MAGEC3: variants seen among roughly 807,000 people sequenced by gnomAD.
MAGEC3 encodes the protein MAGE family member C3.
MAGEC3 carries 34 observed loss-of-function variants against 35.3 expected under a neutral mutation model. The observed-to-expected ratio is 0.96, with a 90% CI of 0.73 to 1.28. The LOEUF is 1.28. Ranked by LOEUF, MAGEC3 falls within the 50% of genes most tolerant of loss-of-function variation. The probability of loss-of-function intolerance (pLI) is 0.00; values close to 1 mark genes in which losing one functional copy is unlikely to be tolerated. For missense variants in MAGEC3, 561 were observed against 483.6 expected (o/e 1.16, Z -1.50); for synonymous variants, 202 against 185.6 (o/e 1.09, Z -0.72).
chrX:141,857,295 A>G (rs1187445155), intron 1 of MAGEC3, among the ~76,000 whole-genome samples: 2 of 111,103 alleles, frequency 1.8e-5, no homozygotes, highest in African/African-American at 6.5e-5. Context: ...ATTTTTGCCT[A>G]CAGGTGCAAA....
At chrX:141,881,206 A>G (rs1340547062) in intron 3 of MAGEC3, among the ~76,000 whole-genome samples, 197 bp from the exon 4 acceptor site, 1 of 106,112 alleles carries the variant, frequency 9.4e-6, no homozygotes, top group East Asian at 3.0e-4. Flanking sequence ...CTCATCCTCT[A>G]CTCTGATTCT....
At chrX:141,843,242 G>T (rs2017696643) in intron 1 of MAGEC3, among the ~76,000 whole-genome samples, 1 of 111,479 alleles carries the variant, frequency 9.0e-6, no homozygotes, top group South Asian at 3.7e-4. Flanking sequence ...TTGGAGGGTT[G>T]ATCTGAGTTT....
At chrX:141,851,186 C>T (rs1246303659) in intron 1 of MAGEC3, among the ~76,000 whole-genome samples, 1 of 110,236 alleles carries the variant, frequency 9.1e-6, no homozygotes, top group African/African-American at 3.3e-5. Context: ...AACCATTGTC[C>T]CTGTGACAGT....
Position 141,897,622 on chromosome X carries a change from C to T in MAGEC3, c.1729-7C>T. On this transcript the variant is annotated splice_polypyrimidine_tract_variant and splice_region_variant and intron_variant, in intron 7 of 7. Coordinates refer to ENST00000298296, the MANE Select transcript of MAGEC3 (RefSeq NM_138702.1). ...TCCACGTTATGAATTTTTGTGGGGT[C>T]CAAGAGCCCATTCAGAGGCCAGCAA... is the stretch of plus-strand genomic sequence containing the variant. The T allele has an allele frequency of 1.7e-6, 2 of 1,205,500 alleles. No homozygotes were observed. The highest frequency in any genetic ancestry group is 2.2e-6 in the Non-Finnish European group (2 of 892,773).
At chrX:141,848,603 A>G (rs1269431302) in intron 1 of MAGEC3, among the ~76,000 whole-genome samples, 2 of 111,416 alleles carry the variant, frequency 1.8e-5, no homozygotes, top group Non-Finnish European at 3.8e-5. Flanking sequence ...GAGAACTACA[A>G]AGCATAGAGA....
rs776691652 is a variant in MAGEC3 at position 141,879,177 on chromosome X, C to A, written c.261C>A (p.Leu87=). 18 of 1,175,867 alleles carry A rather than the reference C, an allele frequency of 1.5e-5. No individual in the cohort carries two copies. In the East Asian group the frequency reaches 5.1e-4, roughly 33 times the overall value. ...CCTGTCCCTGTGCCTGCTGCCAGCTCTGGAGGACCCTATCAGGGTCCCCAG... is the reference window on the plus strand; with the variant it reads ...CCTGTCCCTGTGCCTGCTGCCAGCTATGGAGGACCCTATCAGGGTCCCCAG... ...SLVLCPTYFK[L]WRTLSGSPGL... is the part of the protein sequence containing the mutation. The change falls in exon 3 of 8, where the codon CTC becomes CTA. Residue 87 remains leucine (L), a splice_region_variant and synonymous_variant. Coordinates refer to ENST00000298296, the MANE Select transcript of MAGEC3 (RefSeq NM_138702.1).
intron 2 of MAGEC3, among the ~76,000 whole-genome samples, chrX:141,875,665 A>C (rs2017915540): frequency 8.9e-6 from 1 of 112,033 alleles, no homozygotes; most frequent in Non-Finnish European, 1.9e-5. Flanking sequence ...CTTATTTCCA[A>C]TACCAGGAGG....
chrX:141,861,268 T>A (rs1267430766), intron 1 of MAGEC3, among the ~76,000 whole-genome samples: 1 of 110,717 alleles, frequency 9.0e-6, no homozygotes. Flanking sequence ...ACAAAACATG[T>A]CAAAAATAAT....
chrX:141,838,714 C>T lies in MAGEC3; in HGVS notation c.123+276C>T, dbSNP rs770565566. ...GGCTCCAGGACAGTATGTAGTTCAT[C>T]GGGGGTGAGGCTCTGCAGTGGTGCC... On this transcript the variant is annotated intron_variant, in intron 1 of 7. Transcript: ENST00000298296. 2.5e-5 allele frequency: 19 copies of T among 751,419 alleles called. 1 individual carries two copies. Among genetic ancestry groups the T allele is most frequent in the South Asian group, 2.1e-4 (3 of 14,592 alleles). The allele number at this position is 751,419 out of a possible 1,213,427, so 61.9% of individuals were successfully genotyped here.
intron 4 of MAGEC3, among the ~76,000 whole-genome samples, chrX:141,884,688 C>T (rs751206931): frequency 3.6e-5 from 4 of 111,405 alleles, no homozygotes; most frequent in South Asian, 3.9e-4. Context: ...TAGCCTTTGG[C>T]GTGAACTGTT....
At chrX:141,894,869 TG>T in intron 4 of MAGEC3, 1 of 568,389 alleles carries the variant, frequency 1.8e-6, no homozygotes, top group Non-Finnish European at 2.0e-6. Flanking sequence ...CAGGTGGGAG[TG>T]GGGAGGTAGG....
At chrX:141,892,432 C>T (rs1245187908) in intron 4 of MAGEC3, among the ~76,000 whole-genome samples, 4 of 111,521 alleles carry the variant, frequency 3.6e-5, no homozygotes, top group Admixed American at 9.5e-5. Context: ...GGGACAAGTA[C>T]ATATAATTAC....
At chrX:141,858,522 T>C (rs2017795675) in intron 1 of MAGEC3, among the ~76,000 whole-genome samples, 1 of 111,574 alleles carries the variant, frequency 9.0e-6, no homozygotes, top group Non-Finnish European at 1.9e-5. Context: ...TTTATGACTT[T>C]ATTTTATTTA....
chrX:141,882,536 G>A (rs1345886923), intron 4 of MAGEC3, among the ~76,000 whole-genome samples: 5 of 111,990 alleles, frequency 4.5e-5, no homozygotes, highest in South Asian at 3.7e-4. Flanking sequence ...ATAGTGGAAC[G>A]AAATAAAGGA....
At chrX:141,839,714 T>G in intron 1 of MAGEC3, 1 of 744,925 alleles carries the variant, frequency 1.3e-6, no homozygotes, top group Non-Finnish European at 1.6e-6. Context: ...TTTAATATCT[T>G]TATATCCATT....
chrX:141,865,415 A>G, intron 1 of MAGEC3, 56 bp from the exon 2 acceptor site: 2 of 1,114,553 alleles, frequency 1.8e-6, no homozygotes, highest in Non-Finnish European at 2.4e-6. Flanking sequence ...TAGATCTTCC[A>G]TCACAGGTAG....
chrX:141,880,665 A>G (rs72617977), intron 3 of MAGEC3: 22,080 of 424,014 alleles, frequency 0.052, 1,985 homozygotes, highest in East Asian at 0.35. Context: ...CAGACCTGGC[A>G]GCACCTGGCC....
At chrX:141,893,713 TTG>T (rs1491444187) in intron 4 of MAGEC3, among the ~76,000 whole-genome samples, 3 of 66,818 alleles carry the variant, frequency 4.5e-5, no homozygotes, top group South Asian at 1.0e-3. Flanking sequence ...AGGGCAGGAA[TTG>T]GGGGGGGGGG....
intron 1 of MAGEC3, among the ~76,000 whole-genome samples, chrX:141,845,326 A>G (rs2017709897): frequency 9.0e-6 from 1 of 111,449 alleles, no homozygotes; most frequent in Non-Finnish European, 1.9e-5. Flanking sequence ...AATAGTCTTT[A>G]TGATGGTAGA....
Sources: allele counts gnomAD v4.1 joint callset (sites outside exome capture counted in the v4.1 genomes callset), GRCh38; gene constraint gnomAD v4.1.1; transcripts MANE v1.5; gene names NCBI Gene and HGNC (gene_info 2026-07-23, HGNC 2026-07-21).